Variants in SUMO2 observed in about 807,000 individuals in gnomAD.
The protein encoded by SUMO2 is small ubiquitin-related modifier 2.
SUMO2 carries 1 observed loss-of-function variant against 16.0 expected under a neutral mutation model. That is an observed-to-expected ratio of 0.06 (90% confidence interval 0.02 to 0.30). SUMO2 has a LOEUF of 0.30. Ranked by LOEUF, SUMO2 falls within the 10% of genes least tolerant of loss-of-function variation. SUMO2 has a pLI of 1.00. For missense variants in SUMO2, 16 were observed against 117.5 expected (o/e 0.14, Z 3.99); for synonymous variants, 36 against 40.6 (o/e 0.89, Z 0.43).
Position 75,167,406 on chromosome 17 carries a change from C to T in SUMO2, c.*933G>A, listed in dbSNP as rs1020111466. 2.6e-5 allele frequency: 4 copies of T among 152,046 alleles called. No homozygotes were observed. Among genetic ancestry groups the T allele is most frequent in the Admixed American group, 2.0e-4 (3 of 15,198 alleles). 9.4% of individuals were successfully genotyped at this position (152,046 alleles called of 1,614,324 possible). ...GTTTTATCAGCAACAAAGGCAAAAT[C>T]AGAACTTTTTCCTTGCCACATGTGC... On this transcript the variant is annotated 3_prime_UTR_variant, in exon 4 of 4. Transcript: ENST00000420826.
intron 1 of SUMO2, among the ~76,000 whole-genome samples, chr17:75,181,927 G>A (rs980984326): frequency 3.9e-5 from 6 of 152,128 alleles, no homozygotes; most frequent in Non-Finnish European, 8.8e-5. Flanking sequence ...ATCGAGTGCA[G>A]AAGCAATTCT....
chr17:75,180,421 A>AAAC (rs58402695), intron 2 of SUMO2, among the ~76,000 whole-genome samples: 1 of 139,320 alleles, frequency 7.2e-6, no homozygotes, highest in South Asian at 2.2e-4. Flanking sequence ...AAAAAAAAAA[A>AAAC]CGACTTCTTG....
At chr17:75,178,566 A>G (rs2074802613) in intron 2 of SUMO2, among the ~76,000 whole-genome samples, 1 of 151,602 alleles carries the variant, frequency 6.6e-6, no homozygotes, top group Non-Finnish European at 1.5e-5. Context: ...CTGAAGCATG[A>G]TTCTGTTTGT....
chr17:75,181,031 T>A, intron 2 of SUMO2, 26 bp downstream of exon 2: 1 of 1,612,206 alleles, frequency 6.2e-7, no homozygotes, highest in Non-Finnish European at 8.5e-7. Context: ...TTTTATTCAG[T>A]GGAAGTACAC....
intron 2 of SUMO2, among the ~76,000 whole-genome samples, chr17:75,178,783 T>C (rs1050945138): frequency 2.0e-5 from 3 of 151,994 alleles, no homozygotes; most frequent in African/African-American, 7.2e-5. Context: ...GGCTCATGCC[T>C]GTAAACCCAG....
intron 1 of SUMO2, chr17:75,182,586 A>C: frequency 6.6e-6 from 2 of 303,204 alleles, no homozygotes. Context: ...CCCGGCGCGC[A>C]CTCGGAGGCC....
chr17:75,172,145 G>A (rs2145218414), intron 3 of SUMO2, among the ~76,000 whole-genome samples: 1 of 151,798 alleles, frequency 6.6e-6, no homozygotes, highest in Non-Finnish European at 1.5e-5. Flanking sequence ...AATCTCCCGA[G>A]TAGCTGGGAT....
At chr17:75,174,626 C>A in intron 3 of SUMO2, 126 bp downstream of exon 3, 1 of 741,250 alleles carries the variant, frequency 1.3e-6, no homozygotes, top group Non-Finnish European at 2.2e-6. Flanking sequence ...CCCCTCTGGT[C>A]ATACTTCCCA....
intron 2 of SUMO2, among the ~76,000 whole-genome samples, chr17:75,180,404 A>AAAC (rs2074818378): frequency 1.4e-5 from 2 of 141,060 alleles, no homozygotes; most frequent in Non-Finnish European, 3.1e-5. Context: ...AAAAAAAAAA[A>AAAC]AAAAAAAAAA....
intron 3 of SUMO2, among the ~76,000 whole-genome samples, chr17:75,172,442 C>T: frequency 6.6e-6 from 1 of 151,012 alleles, no homozygotes; most frequent in Non-Finnish European, 1.5e-5. Context: ...GCCTCAGCCT[C>T]CTGAGTAGCT....
At chr17:75,175,158 GTT>G (rs147001740) in intron 2 of SUMO2, among the ~76,000 whole-genome samples, 5,350 of 151,944 alleles carry the variant, frequency 0.035, 138 homozygotes, top group Non-Finnish European at 0.053. Flanking sequence ...AATTTTTGTA[GTT>G]TTAGTAGAGA....
intron 2 of SUMO2, among the ~76,000 whole-genome samples, chr17:75,180,660 A>C (rs1232613618): frequency 2.0e-5 from 3 of 152,042 alleles, no homozygotes; most frequent in Non-Finnish European, 4.4e-5. Flanking sequence ...CAGTGAGCTG[A>C]GCTCAGGCCA....
At chr17:75,169,863 A>AAGG (rs1555654319) in intron 3 of SUMO2, among the ~76,000 whole-genome samples, 1 of 75,378 alleles carries the variant, frequency 1.3e-5, no homozygotes, top group Non-Finnish European at 2.4e-5. Context: ...AAAAAAAAAA[A>AAGG]GGTGGGGGGG....
Position 75,166,931 on chromosome 17 carries a change from C to T in SUMO2, c.*1408G>A, listed in dbSNP as rs984564639. The T allele has an allele frequency of 3.3e-5, 5 of 151,584 alleles. No individual in the cohort carries two copies. The highest frequency in any genetic ancestry group is 1.2e-4 in the African/African-American group (5 of 41,212). 9.4% of individuals were successfully genotyped at this position (151,584 alleles called of 1,614,324 possible). On this transcript the variant is annotated 3_prime_UTR_variant, in exon 4 of 4. Transcript: ENST00000420826. ...TCAAAAAACCACCACCAAAAGAAAC[C>T]CTAAGAAACAAAAATTAAAATAATA... is the stretch of plus-strand genomic sequence containing the variant.
chr17:75,182,511 G>T, intron 1 of SUMO2: 1 of 238,602 alleles, frequency 4.2e-6, no homozygotes, highest in Non-Finnish European at 8.0e-6. Context: ...GGCCGGCTGG[G>T]CCAAGAATCC....
intron 2 of SUMO2, among the ~76,000 whole-genome samples, chr17:75,178,813 G>A (rs994452062): frequency 9.9e-5 from 15 of 151,648 alleles, no homozygotes; most frequent in East Asian, 5.9e-4. Context: ...AGGCTGAGGC[G>A]GGTGGTTCAC....
chr17:75,176,603 A>G (rs2074784098), intron 2 of SUMO2, among the ~76,000 whole-genome samples: 1 of 148,158 alleles, frequency 6.7e-6, no homozygotes, highest in South Asian at 2.1e-4. Flanking sequence ...GTGACAGACC[A>G]GATTCAATAT....
intron 3 of SUMO2, among the ~76,000 whole-genome samples, chr17:75,172,755 A>G (rs1365873343): frequency 6.6e-6 from 1 of 151,914 alleles, no homozygotes; most frequent in Non-Finnish European, 1.5e-5. Context: ...GATCACAGGC[A>G]TGAGCCACTG....
At chr17:75,168,811 G>C (rs1395475708) in intron 3 of SUMO2, among the ~76,000 whole-genome samples, 1 of 152,032 alleles carries the variant, frequency 6.6e-6, no homozygotes, top group Non-Finnish European at 1.5e-5. Flanking sequence ...CGTCATGTTG[G>C]CCAGGCTGGT....
Sources: allele counts gnomAD v4.1 joint callset (sites outside exome capture counted in the v4.1 genomes callset), GRCh38; gene constraint gnomAD v4.1.1; transcripts MANE v1.5; gene names NCBI Gene and HGNC (gene_info 2026-07-23, HGNC 2026-07-21).